The following STS variants were observed in gnomAD, a reference collection of about 807,000 sequenced individuals.
The protein encoded by STS is steroid sulfatase.
In STS, 7 loss-of-function variants were observed where a neutral mutation model predicts 26.8. The ratio of observed to expected loss-of-function variants is 0.26; its 90% CI spans 0.15 to 0.49. The LOEUF (loss-of-function observed/expected upper bound fraction) is 0.49, where lower values mean the gene tolerates loss of function less well. STS is among the 20% of genes least tolerant of loss of function. The pLI is 0.98. For missense variants in STS, 434 were observed against 465.6 expected (o/e 0.93, Z 0.63); for synonymous variants, 199 against 189.4 (o/e 1.05, Z -0.42).
At chrX:7,259,218 T>G in intron 5 of STS, 131 bp from the exon 6 acceptor site, 1 of 663,591 alleles carries the variant, frequency 1.5e-6, no homozygotes, top group Non-Finnish European at 2.4e-6. Flanking sequence ...AATTCTAGGG[T>G]CCTATGAGCG....
At chrX:7,200,673 C>T (rs1934053736) in intron 2 of STS, among the ~76,000 whole-genome samples, 1 of 111,541 alleles carries the variant, frequency 9.0e-6, no homozygotes, top group Admixed American at 9.6e-5. Flanking sequence ...CCACAGTGAA[C>T]ATATTTCCTT....
At chrX:7,291,060 C>T (rs1925392950) in intron 7 of STS, among the ~76,000 whole-genome samples, 1 of 111,590 alleles carries the variant, frequency 9.0e-6, no homozygotes, top group African/African-American at 3.3e-5. Flanking sequence ...GTCTTGTGAC[C>T]TTTCGTTGGT....
intron 8 of STS, among the ~76,000 whole-genome samples, chrX:7,306,292 A>T (rs1373647559): frequency 9.0e-6 from 1 of 111,152 alleles, no homozygotes; most frequent in Non-Finnish European, 1.9e-5. Flanking sequence ...TCATAAAGTG[A>T]TATGATACCT....
At chrX:7,312,107 C>A (rs1357587543) in intron 8 of STS, among the ~76,000 whole-genome samples, 8 of 111,876 alleles carry the variant, frequency 7.2e-5, no homozygotes, top group African/African-American at 2.0e-4. Context: ...AAGTCTGCAC[C>A]CCAGCTGTAC....
chrX:7,235,758 C>T (rs1922286412), intron 2 of STS, among the ~76,000 whole-genome samples: 2 of 111,229 alleles, frequency 1.8e-5, no homozygotes, highest in Admixed American at 9.6e-5. Flanking sequence ...ACACTGAGAC[C>T]CTGTCTCAAA....
upstream of STS, among the ~76,000 whole-genome samples, chrX:7,147,700 C>G (rs1932899275): frequency 8.9e-6 from 1 of 111,921 alleles, no homozygotes; most frequent in African/African-American, 3.2e-5. Flanking sequence ...CGCGGAGGTC[C>G]CGCCGCGCCT....
At chrX:7,332,245 C>T (rs751039588) in intron 9 of STS, among the ~76,000 whole-genome samples, 115 of 108,723 alleles carry the variant, frequency 1.1e-3, no homozygotes, top group African/African-American at 3.7e-3. Flanking sequence ...GCAGGAGGAT[C>T]GCTTGAGCCC....
chrX:7,200,732 G>A (rs979234266), intron 2 of STS, among the ~76,000 whole-genome samples: 7 of 111,158 alleles, frequency 6.3e-5, no homozygotes, highest in Non-Finnish European at 9.4e-5. Flanking sequence ...ACCAAGAACC[G>A]CAGTCCAAGC....
At chrX:7,204,193 C>A (rs1373306659) in intron 2 of STS, among the ~76,000 whole-genome samples, 3 of 111,578 alleles carry the variant, frequency 2.7e-5, no homozygotes, top group Non-Finnish European at 5.6e-5. Context: ...AAATATTCTT[C>A]AAAAATCGAG....
intron 2 of STS, among the ~76,000 whole-genome samples, chrX:7,204,649 C>G (rs1285465038): frequency 1.9e-5 from 2 of 102,786 alleles, no homozygotes; most frequent in Non-Finnish European, 2.0e-5. Context: ...CCTTTTTTCT[C>G]TCTCCTGCCT....
chrX:7,269,673 C>A (rs1241534858), intron 6 of STS, among the ~76,000 whole-genome samples: 2 of 111,060 alleles, frequency 1.8e-5, no homozygotes, highest in African/African-American at 6.6e-5. Flanking sequence ...TTAATAACTG[C>A]AAAACTTATA....
chrX:7,308,946 C>T (rs5933849), intron 8 of STS, among the ~76,000 whole-genome samples: 1,451 of 111,919 alleles, frequency 0.013, 22 homozygotes, highest in African/African-American at 0.044. Context: ...TTTAAAATAG[C>T]ATCCTTTCTA....
At chrX:7,250,093 A>C (rs1485182865) in intron 2 of STS, among the ~76,000 whole-genome samples, 2 of 109,423 alleles carry the variant, frequency 1.8e-5, no homozygotes, top group African/African-American at 3.3e-5. Flanking sequence ...ATGCCGAGAA[A>C]ATTTTTAAAT....
chrX:7,154,458 A>G (rs1933092313), intron 1 of STS, among the ~76,000 whole-genome samples: 2 of 112,414 alleles, frequency 1.8e-5, no homozygotes, highest in Admixed American at 1.9e-4. Flanking sequence ...CCAGCCCTCA[A>G]ATAATTATGA....
chrX:7,206,180 T>C (rs752134811), intron 2 of STS, among the ~76,000 whole-genome samples: 1 of 112,135 alleles, frequency 8.9e-6, no homozygotes, highest in Non-Finnish European at 1.9e-5. Context: ...TATATTTTGT[T>C]TTATTGCTTT....
At chrX:7,200,954 G>A (rs867033119) in intron 2 of STS, among the ~76,000 whole-genome samples, 2 of 107,422 alleles carry the variant, frequency 1.9e-5, no homozygotes, top group African/African-American at 3.4e-5. Flanking sequence ...GGTTAGATGG[G>A]TGGATGGATG....
At chrX:7,210,703 TATAA>T (rs1364962604) in intron 2 of STS, among the ~76,000 whole-genome samples, 1 of 108,362 alleles carries the variant, frequency 9.2e-6, no homozygotes, top group Non-Finnish European at 1.9e-5. Context: ...ATATTAAATC[TATAA>T]ATAATATTCC....
At chrX:7,177,939 A>G (rs1933605436) in intron 1 of STS, among the ~76,000 whole-genome samples, 2 of 111,403 alleles carry the variant, frequency 1.8e-5, no homozygotes, top group Non-Finnish European at 3.8e-5. Context: ...AGCTGGGACC[A>G]TAGGCACATG....
rs1274806978 is a variant in STS, at chrX:7,147,899, G to A, written c.-318G>A. The A allele has an allele frequency of 1.6e-5, 5 of 315,022 alleles. No homozygotes were observed. In the East Asian group the frequency reaches 1.9e-4, roughly 12 times the overall value. The allele number at this position is 315,022 out of a possible 1,213,427, so 26.0% of individuals were successfully genotyped here. On this transcript the variant is annotated 5_prime_UTR_variant, in exon 1 of 11. Coordinates refer to ENST00000674429, the MANE Select transcript of STS (RefSeq NM_001320752.2). ...GCGCTCCTGGCCGCCGCCCGACTTC[G>A]GGGCCAGCCGGGGGCAGAGCGCGCG...
Sources: allele counts gnomAD v4.1 joint callset (sites outside exome capture counted in the v4.1 genomes callset), GRCh38; gene constraint gnomAD v4.1.1; transcripts MANE v1.5; gene names NCBI Gene and HGNC (gene_info 2026-07-23, HGNC 2026-07-21).